Variants in TMEM132E observed in about 807,000 individuals in gnomAD.
TMEM132E encodes the protein transmembrane protein 132E.
Under a neutral mutation model 78.5 loss-of-function variants are expected in TMEM132E, and 49 were observed. That is an observed-to-expected ratio of 0.62 (90% CI 0.50 to 0.79). TMEM132E has a LOEUF of 0.79. TMEM132E is among the 30% of genes least tolerant of loss of function. The pLI is 0.00. For missense variants in TMEM132E, 1,403 were observed against 1,470.9 expected (o/e 0.95, Z 0.75); for synonymous variants, 715 against 670.6 (o/e 1.07, Z -1.02).
At chr17:34,616,771 CCT>C (rs1190164135) in intron 1 of TMEM132E, among the ~76,000 whole-genome samples, 1 of 152,156 alleles carries the variant, frequency 6.6e-6, no homozygotes, top group African/African-American at 2.4e-5. Flanking sequence ...GGCACTCATC[CCT>C]CTGTCTCTGG....
At chr17:34,604,469 C>A (rs1376244020) in intron 1 of TMEM132E, among the ~76,000 whole-genome samples, 1 of 152,178 alleles carries the variant, frequency 6.6e-6, no homozygotes, top group African/African-American at 2.4e-5. Flanking sequence ...TGAGATCCTT[C>A]CAGCTCCTCA....
chr17:34,610,071 A>G (rs1906536908), intron 1 of TMEM132E, among the ~76,000 whole-genome samples: 1 of 151,472 alleles, frequency 6.6e-6, no homozygotes, highest in African/African-American at 2.4e-5. Flanking sequence ...AGATCTTACT[A>G]CTCAAATGAC....
chr17:34,628,799 G>T, intron 3 of TMEM132E, 90 bp downstream of exon 3: 1 of 1,449,038 alleles, frequency 6.9e-7, no homozygotes, highest in East Asian at 2.5e-5. Flanking sequence ...GCTAGGCTTG[G>T]GGAGGGCTGG....
At chr17:34,584,973 G>A (rs750474421) in intron 1 of TMEM132E, among the ~76,000 whole-genome samples, 5 of 152,098 alleles carry the variant, frequency 3.3e-5, no homozygotes, top group Non-Finnish European at 5.9e-5. Context: ...CCCATCCCCC[G>A]ATCACCCAAG....
chr17:34,613,283 G>A (rs1274198434), intron 1 of TMEM132E, among the ~76,000 whole-genome samples: 5 of 150,302 alleles, frequency 3.3e-5, no homozygotes, highest in Admixed American at 2.0e-4. Context: ...AGATGCAGGC[G>A]GCTGTGCCAG....
intron 1 of TMEM132E, among the ~76,000 whole-genome samples, chr17:34,593,089 T>C (rs1406636898): frequency 6.6e-6 from 1 of 151,106 alleles, no homozygotes; most frequent in African/African-American, 2.4e-5. Flanking sequence ...TTTTAACCAA[T>C]ATGCCCAAAC....
At chr17:34,614,607 G>A (rs1450479352) in intron 1 of TMEM132E, 1 of 152,318 alleles carries the variant, frequency 6.6e-6, no homozygotes, top group East Asian at 1.9e-4. Context: ...GGCTCACAGA[G>A]CAGGTACCAC....
intron 1 of TMEM132E, among the ~76,000 whole-genome samples, chr17:34,605,853 G>A (rs923889168): frequency 2.6e-5 from 4 of 152,112 alleles, no homozygotes; most frequent in South Asian, 2.1e-4. Flanking sequence ...TACTTGAGAC[G>A]TATTCTTCTC....
chr17:34,628,677 G>A lies in TMEM132E; in HGVS notation c.1113G>A (p.Val371=), dbSNP rs1567720395. 2 of 1,611,850 alleles carry A rather than the reference G, an allele frequency of 1.2e-6. No individual in the cohort carries two copies. The highest frequency in any genetic ancestry group is 2.2e-5 in the East Asian group (1 of 44,786). The change falls in exon 3 of 9, where the codon GTG becomes GTA. Residue 371 remains valine (V), a synonymous_variant. Transcript: ENST00000631683. ...GAKHSTATVD[V]AWAQSTPLPP... The stretch of plus-strand genomic sequence containing the variant: ...AGCACTCAACAGCCACCGTGGATGT[G>A]GCCTGGGCTCAGAGCACACCCCTGC...
In TMEM132E at chr17:34,588,170, C is replaced by A. The variant is rs536167927; in HGVS notation, c.67+7027C>A. Among the ~76,000 whole-genome samples the A allele has an allele frequency of 1.4e-3, 215 of 152,306 alleles. 1 individual carries two copies. The highest frequency in any genetic ancestry group is 4.5e-3 in the African/African-American group (186 of 41,566). ...TCTTTGTGCATGCTGTTCCCTCTGA[C>A]CAGAACACTCACACTCTTCCACTCC... On this transcript the variant is annotated intron_variant, in intron 1 of 8. Coordinates refer to ENST00000631683, the MANE Select transcript of TMEM132E (RefSeq NM_001304438.2).
chr17:34,638,122 G>A lies in TMEM132E; in HGVS notation c.3115G>A (p.Glu1039Lys). Residue 1039 changes from glutamate to lysine, a missense_variant, in exon 9 of 9, where the codon GAG becomes AAG. Transcript: ENST00000631683. ...DSVPAGEEDE[E>K]EEEDLGWGCP... ...GGTGCCCGCGGGCGAAGAGGACGAG[G>A]AGGAGGAAGAGGACCTGGGTTGGGG... The A allele has an allele frequency of 9.3e-6, 15 of 1,606,606 alleles. No individual in the cohort carries two copies. Among genetic ancestry groups the A allele is most frequent in the Non-Finnish European group, 1.3e-5 (15 of 1,177,256 alleles).
chr17:34,606,237 C>T (rs1272419986), intron 1 of TMEM132E, among the ~76,000 whole-genome samples: 2 of 152,170 alleles, frequency 1.3e-5, no homozygotes, highest in Non-Finnish European at 2.9e-5. Flanking sequence ...ATCCCAGCTA[C>T]TTGAGAGGCT....
chr17:34,585,398 C>A (rs914354983), intron 1 of TMEM132E, among the ~76,000 whole-genome samples: 1 of 152,230 alleles, frequency 6.6e-6, no homozygotes, highest in Non-Finnish European at 1.5e-5. Context: ...GAGGCACCAA[C>A]TCCCACCACT....
At chr17:34,623,484 G>A (rs1907028986) in intron 1 of TMEM132E, among the ~76,000 whole-genome samples, 1 of 151,488 alleles carries the variant, frequency 6.6e-6, no homozygotes, top group African/African-American at 2.4e-5. Context: ...TCCCAGCCCA[G>A]AGGGAGGAGC....
rs371995594 is a variant in TMEM132E, at chr17:34,637,779, G to A, written c.2772G>A (p.Glu924=). Residue 924 remains glutamate, a synonymous_variant, in exon 9 of 9, where the codon GAG becomes GAA. Transcript: ENST00000631683. Reference sequence around the variant, plus strand: ...ACCGGCACAAGCGCATCCCGCCCGAGGGCCAGACCAGCATGGACCACTCTC... The same window carrying A: ...ACCGGCACAAGCGCATCCCGCCCGAAGGCCAGACCAGCATGGACCACTCTC... ...LRYRHKRIPP[E]GQTSMDHSHH... is the part of the protein sequence containing the mutation. The A allele has an allele frequency of 6.2e-7, 1 of 1,613,378 alleles. No individual in the cohort carries two copies. The highest frequency in any genetic ancestry group is 1.3e-5 in the African/African-American group (1 of 74,924).
rs953268346 is a variant in TMEM132E, at chr17:34,618,528, G to A, written c.68-7599G>A. Among the ~76,000 whole-genome samples the A allele has an allele frequency of 7.2e-5, 11 of 152,004 alleles. No individual in the cohort carries two copies. The South Asian group carries it at 1.0e-3, about 14-fold the overall frequency. On this transcript the variant is annotated intron_variant, in intron 1 of 8. Transcript: ENST00000631683. ...ATTATAGGAGTAAGCCACCATGCCCGGCCAACATTTGTAAATCTTTGAGCA... is the reference window on the plus strand; with the variant it reads ...ATTATAGGAGTAAGCCACCATGCCCAGCCAACATTTGTAAATCTTTGAGCA...
chr17:34,635,530 G>T (rs889495593), intron 7 of TMEM132E, among the ~76,000 whole-genome samples: 1 of 152,164 alleles, frequency 6.6e-6, no homozygotes, highest in African/African-American at 2.4e-5. Flanking sequence ...TAAAACAATT[G>T]ATCCAATGTG....
intron 1 of TMEM132E, among the ~76,000 whole-genome samples, chr17:34,596,336 G>A (rs905995287): frequency 2.6e-5 from 4 of 152,152 alleles, no homozygotes; most frequent in Admixed American, 6.5e-5. Context: ...ATGTGGATGC[G>A]GAAACTGAGG....
intron 1 of TMEM132E, among the ~76,000 whole-genome samples, chr17:34,585,624 G>T (rs1567709803): frequency 6.6e-6 from 1 of 152,252 alleles, no homozygotes; most frequent in African/African-American, 2.4e-5. Context: ...CCCAAATGGG[G>T]CTGTCTGCCC....
Sources: allele counts gnomAD v4.1 joint callset (sites outside exome capture counted in the v4.1 genomes callset), GRCh38; gene constraint gnomAD v4.1.1; transcripts MANE v1.5; gene names NCBI Gene and HGNC (gene_info 2026-07-23, HGNC 2026-07-21).